Variants in VPS13C observed in about 807,000 individuals in gnomAD.
VPS13C encodes vacuolar protein sorting 13 homolog C, also known as intermembrane lipid transfer protein VPS13C.
A neutral mutation model predicts 456.8 loss-of-function variants in VPS13C; 358 were observed. That is an observed-to-expected ratio of 0.78 (90% CI 0.72 to 0.86). The LOEUF (loss-of-function observed/expected upper bound fraction) is 0.86, where lower values mean the gene tolerates loss of function less well. Ranked by LOEUF, VPS13C falls within the 40% of genes least tolerant of loss-of-function variation. The pLI is 0.00. For missense variants in VPS13C, 4,818 were observed against 4,385.4 expected (o/e 1.10, Z -2.79); for synonymous variants, 1,578 against 1,486.7 (o/e 1.06, Z -1.41).
chr15:62,021,577 A>G (rs1346058523), intron 8 of VPS13C, among the ~76,000 whole-genome samples: 1 of 151,936 alleles, frequency 6.6e-6, no homozygotes, highest in Non-Finnish European at 1.5e-5. Flanking sequence ...CATGGCAGAA[A>G]CTAAGGGAAA....
intron 31 of VPS13C, among the ~76,000 whole-genome samples, chr15:61,964,330 T>A (rs570369599): frequency 8.5e-5 from 13 of 152,114 alleles, no homozygotes; most frequent in South Asian, 4.1e-4. Context: ...AACCCTTCCC[T>A]ACCTTTGTGT....
Position 62,036,507 on chromosome 15 carries a change from T to C in VPS13C, c.188-1455A>G, listed in dbSNP as rs556891450. ...CTCTTCAGCTTGTAAACCTGCTGAA[T>C]TTCTTAAATGGCTTGCATGTCACGG... is the stretch of plus-strand genomic sequence containing the variant. On this transcript the variant is annotated intron_variant, in intron 3 of 84. Coordinates refer to ENST00000644861, the MANE Select transcript of VPS13C (RefSeq NM_020821.3). Among the ~76,000 whole-genome samples the C allele has an allele frequency of 1.8e-4, 28 of 152,224 alleles. No individual in the cohort carries two copies. In the East Asian group the frequency reaches 2.3e-3, roughly 13 times the overall value.
chr15:62,002,995 C>A (rs1218156326), intron 15 of VPS13C, among the ~76,000 whole-genome samples: 1 of 152,018 alleles, frequency 6.6e-6, no homozygotes, highest in Non-Finnish European at 1.5e-5. Flanking sequence ...ATTGACTTGG[C>A]AATGCGGGCT....
chr15:61,936,744 G>C lies in VPS13C; in HGVS notation c.5608C>G (p.Leu1870Val), dbSNP rs147655568. ...AAAACTGTCAAGTCATCTTCACTGA[G>C]AGCAACCTAGAAACCACCAATAATT... ...KGKLKPMQVALSEDDLTVLMK... is the reference protein window; with the variant it reads ...KGKLKPMQVAVSEDDLTVLMK... The change falls in exon 48 of 85, where the codon CTC becomes GTC. Residue 1870 changes from leucine to valine, a missense_variant. Leu to Val is a conservative substitution (Grantham distance 32). Around this residue, in one of 3 missense-constraint regions of VPS13C, gnomAD observed 4,552 missense variants for 4,130.6 expected, o/e 1.10. Transcript: ENST00000644861. The C allele has an allele frequency of 2.5e-6, 4 of 1,607,264 alleles. No individual in the cohort carries two copies. The South Asian group carries it at 4.5e-5, about 18-fold the overall frequency.
At chr15:61,921,839 A>G in intron 55 of VPS13C, 108 bp downstream of exon 55, 1 of 1,086,974 alleles carries the variant, frequency 9.2e-7, no homozygotes, top group Non-Finnish European at 1.3e-6. Context: ...AGAGCCCTTA[A>G]AAGGGCTTCA....
chr15:61,961,675 C>T lies in VPS13C; in HGVS notation c.3822G>A (p.Gln1274=). The change falls in exon 35 of 85, where the codon CAG becomes CAA. Residue 1274 remains glutamine (Q), a synonymous_variant. Coordinates refer to ENST00000644861, the MANE Select transcript of VPS13C (RefSeq NM_020821.3). ...AGTCTTCATCAGACACCAGACTGAA[C>T]TGATTATGAACTCTGATTAACCCAA... ...VDLGLIRVHN[Q]FSLVSDEDYL... is the part of the protein sequence containing the mutation. 1 of 1,613,970 alleles carries T rather than the reference C, an allele frequency of 6.2e-7. No individual in the cohort carries two copies. Among genetic ancestry groups the T allele is most frequent in the East Asian group, 2.2e-5 (1 of 44,872 alleles).
intron 18 of VPS13C, among the ~76,000 whole-genome samples, chr15:61,988,913 G>C (rs2046140236): frequency 6.6e-6 from 1 of 152,058 alleles, no homozygotes; most frequent in Non-Finnish European, 1.5e-5. Context: ...ATTTTAGACA[G>C]ACCATAAATC....
rs373262404 is a variant in VPS13C at position 61,880,742 on chromosome 15, G to T, written c.9889-20C>A. 5.2e-6 allele frequency: 8 copies of T among 1,539,542 alleles called. No homozygotes were observed. In the African/African-American group the frequency reaches 9.9e-5, roughly 19 times the overall value. Reference sequence around the variant, plus strand: ...CTTTGTCTGAAAAAAATAAAATCAAGAATTTCTATTTTAATTTTTTTCTCT... The same window carrying T: ...CTTTGTCTGAAAAAAATAAAATCAATAATTTCTATTTTAATTTTTTTCTCT... On this transcript the variant is annotated intron_variant, in intron 72 of 84. Coordinates refer to ENST00000644861, the MANE Select transcript of VPS13C (RefSeq NM_020821.3).
intron 54 of VPS13C, 107 bp from the exon 55 acceptor site, chr15:61,922,140 A>T: frequency 8.0e-7 from 1 of 1,242,544 alleles, no homozygotes; most frequent in South Asian, 1.4e-5. Flanking sequence ...ATCATTAGCC[A>T]TTTTCAAAAC....
At position 61,915,744 on chromosome 15, in the gene VPS13C, A is replaced by G. The variant is rs781015892; in HGVS notation, c.8334T>C (p.Thr2778=). The part of the protein sequence containing the change: ...VFSPYWLINK[T]TRVLQYRSED... ...CTGAACGATACTGGAGAACCCGGGT[A>G]GTCTTGTTGATTAACCAATAGGGAC... The change falls in exon 61 of 85, where the codon ACT becomes ACC. Residue 2778 remains threonine (T), a synonymous_variant. Transcript: ENST00000644861. 6.2e-7 allele frequency: 1 copy of G among 1,614,086 alleles called. No homozygotes were observed. The highest frequency in any genetic ancestry group is 1.7e-5 in the Admixed American group (1 of 60,004).
chr15:62,049,710 A>G (rs1204655631), intron 1 of VPS13C, among the ~76,000 whole-genome samples: 27 of 152,168 alleles, frequency 1.8e-4, no homozygotes, highest in South Asian at 1.0e-3. Context: ...CCATTTTCAC[A>G]ATATTGATTC....
chr15:61,866,738 A>G, intron 81 of VPS13C: 1 of 985,178 alleles, frequency 1.0e-6, no homozygotes, highest in South Asian at 4.7e-5. Context: ...TATATCTAGC[A>G]CACGCTGGTT....
At chr15:61,863,723 A>T (rs1303742162) in intron 81 of VPS13C, 195 bp from the exon 82 acceptor site, 1 of 416,050 alleles carries the variant, frequency 2.4e-6, no homozygotes, top group Non-Finnish European at 4.3e-6. Context: ...CTGTTGCCTT[A>T]AAAGAAAAAC....
At position 61,972,780 on chromosome 15, in the gene VPS13C, A is replaced by G. The variant is rs1465107732; in HGVS notation, c.2618-16T>C. On this transcript the variant is annotated splice_polypyrimidine_tract_variant and intron_variant, in intron 26 of 84. Coordinates refer to ENST00000644861, the MANE Select transcript of VPS13C (RefSeq NM_020821.3). Reference sequence around the variant, plus strand: ...TCATCAGACTCTAAAGGAAAAAGACATTTATTTGATCTGAGACAATGTACA... The same window carrying G: ...TCATCAGACTCTAAAGGAAAAAGACGTTTATTTGATCTGAGACAATGTACA... 6.2e-7 allele frequency: 1 copy of G among 1,600,480 alleles called. No homozygotes were observed. Among genetic ancestry groups the G allele is most frequent in the African/African-American group, 1.3e-5 (1 of 74,432 alleles).
chr15:62,009,297 A>G (rs2046960983), intron 13 of VPS13C, among the ~76,000 whole-genome samples: 1 of 152,010 alleles, frequency 6.6e-6, no homozygotes, highest in Non-Finnish European at 1.5e-5. Flanking sequence ...CTCTGTGTAG[A>G]TCTGACAAAA....
rs754183556 is a variant in VPS13C at position 61,876,922 on chromosome 15, T to C, written c.10224+51A>G. 7 of 1,396,294 alleles carry C rather than the reference T, an allele frequency of 5.0e-6. No homozygotes were observed. In the East Asian group the frequency reaches 9.4e-5, roughly 19 times the overall value. 86.5% of individuals were successfully genotyped at this position (1,396,294 alleles called of 1,614,324 possible). A position where few individuals can be genotyped will look rare whatever the true frequency, so the allele number is the denominator to read the frequency against. ...CACTATACAGTCACATGCAAATGTTTTGATATTTTATGAAGTATATTCCTT... is the reference window on the plus strand; with the variant it reads ...CACTATACAGTCACATGCAAATGTTCTGATATTTTATGAAGTATATTCCTT... On this transcript the variant is annotated intron_variant, in intron 75 of 84. Transcript: ENST00000644861.
rs1271406615 is a variant in VPS13C at position 62,007,406 on chromosome 15, T to A, written c.1192A>T (p.Ile398Leu). 1.2e-6 allele frequency: 2 copies of A among 1,613,150 alleles called. No individual in the cohort carries two copies. Among genetic ancestry groups the A allele is most frequent in the Admixed American group, 3.3e-5 (2 of 59,940 alleles). Residue 398 changes from isoleucine to leucine, a missense_variant, in exon 15 of 85, where the codon ATA becomes TTA. Ile to Leu is a conservative substitution (Grantham distance 5). Transcript: ENST00000644861. ...RYTQMWSWSN[I>L]KKHRQLLKSY... is the part of the protein sequence containing the mutation. ...TTGAGTAACTGCCTGTGCTTTTTTA[T>A]GTTACTCCATGACCACATCTGTGTA...
chr15:62,014,064 T>A, intron 9 of VPS13C, 72 bp from the exon 10 acceptor site: 2 of 1,078,066 alleles, frequency 1.9e-6, no homozygotes, highest in South Asian at 3.3e-5. Flanking sequence ...ACTTACATAA[T>A]GTAACAAAAT....
chr15:61,957,066 G>A lies in VPS13C; in HGVS notation c.4165+1542C>T, dbSNP rs184827390. 5.9e-3 allele frequency among the ~76,000 whole-genome samples: 892 copies of A among 152,054 alleles called. 7 individuals carry two copies. Among genetic ancestry groups the A allele is most frequent in the African/African-American group, 0.021 (854 of 41,524 alleles). On this transcript the variant is annotated intron_variant, in intron 37 of 84. Coordinates refer to ENST00000644861, the MANE Select transcript of VPS13C (RefSeq NM_020821.3). ...GGAAACAACCTGAATGTCCATCAAA[G>A]AATGAATAAAATAAATTTTGATACA... is the stretch of plus-strand genomic sequence containing the variant.
Sources: allele counts gnomAD v4.1 joint callset (sites outside exome capture counted in the v4.1 genomes callset), GRCh38; gene constraint gnomAD v4.1.1; regional missense constraint gnomAD v4.1.1; transcripts MANE v1.5; gene names NCBI Gene and HGNC (gene_info 2026-07-23, HGNC 2026-07-21).